The following LRP1 variants were observed in gnomAD, a reference collection of about 807,000 sequenced individuals.
LRP1 encodes the protein LDL receptor related protein 1, also known as prolow-density lipoprotein receptor-related protein 1.
In LRP1, 51 loss-of-function variants were observed where a neutral mutation model predicts 541.5. That is an observed-to-expected ratio of 0.09 (90% CI 0.08 to 0.12). The LOEUF is 0.12. Among genes scored for constraint, LRP1 ranks in the 10% least tolerant of loss-of-function variants. LRP1 has a pLI of 1.00. For missense variants in LRP1, 3,878 were observed against 6,376.2 expected (o/e 0.61, Z 13.34); for synonymous variants, 2,219 against 2,470.8 (o/e 0.90, Z 3.02).
rs1475883436 is a variant in LRP1 at position 57,210,854 on chromosome 12, C to T, written c.12891C>T (p.Gly4297=). Residue 4297 remains glycine (G), a synonymous_variant, in exon 83 of 89, where the codon GGC becomes GGT. Coordinates refer to ENST00000243077, the MANE Select transcript of LRP1 (RefSeq NM_002332.3). ...GNQPQCRCLP[G]FLGDRCQYRQ... ...AGCCCCAGTGCCGATGCCTACCCGG[C>T]TTCCTGGGCGACCGCTGCCAGTACC... The T allele has an allele frequency of 1.2e-6, 2 of 1,612,618 alleles. No homozygotes were observed. The highest frequency in any genetic ancestry group is 1.7e-6 in the Non-Finnish European group (2 of 1,179,470).
intron 44 of LRP1, among the ~76,000 whole-genome samples, chr12:57,191,908 AC>A (rs1284455903): frequency 7.2e-4 from 12 of 16,730 alleles, no homozygotes; most frequent in Admixed American, 1.2e-3. Flanking sequence ...ACATACACAC[AC>A]CACCACACAC....
chr12:57,135,244 A>C (rs945153100), intron 1 of LRP1, among the ~76,000 whole-genome samples: 1 of 152,184 alleles, frequency 6.6e-6, no homozygotes, highest in East Asian at 1.9e-4. Flanking sequence ...GGGTTCTCTC[A>C]TGCGGGCCAG....
rs201043786 is a variant in LRP1 at position 57,190,822 on chromosome 12, A to G, written c.7049A>G (p.Asn2350Ser). 6.2e-7 allele frequency: 1 copy of G among 1,613,612 alleles called. No individual in the cohort carries two copies. Among genetic ancestry groups the G allele is most frequent in the East Asian group, 2.2e-5 (1 of 44,874 alleles). Reference sequence around the variant, plus strand: ...TCCCCCAGCCTCATGTTCTGGACCAACTGGAATGAGCAGCATCCCAGCATC... The same window carrying G: ...TCCCCCAGCCTCATGTTCTGGACCAGCTGGAATGAGCAGCATCCCAGCATC... Reference protein sequence around the residue: ...DECQNLMFWTNWNEQHPSIMR... With the variant: ...DECQNLMFWTSWNEQHPSIMR... The change falls in exon 43 of 89, where the codon AAC becomes AGC. Residue 2350 changes from asparagine to serine, a missense_variant. This residue lies in a region of LRP1 where 1,100 missense variants were observed against 1,827.4 expected (regional missense o/e 0.60). Transcript: ENST00000243077.
chr12:57,211,937 C>T lies in LRP1; in HGVS notation c.13269C>T (p.Ser4423=), dbSNP rs1180750049. The change falls in exon 87 of 89, where the codon TCC becomes TCT. Residue 4423 remains serine, a synonymous_variant. Transcript: ENST00000243077. The surrounding 1 kb of genome is among the most constrained non-coding windows in gnomAD (Gnocchi z 4.3). ...FSQQQPGHIA[S]ILIPLLLLLL... is the part of the protein sequence containing the mutation. ...ACCTCTTCCCTCCAGATATAGCCTC[C>T]ATCCTAATCCCTCTGCTGTTGCTGC... 1 of 1,614,058 alleles carries T rather than the reference C, an allele frequency of 6.2e-7. No homozygotes were observed. Among genetic ancestry groups the T allele is most frequent in the Non-Finnish European group, 8.5e-7 (1 of 1,180,036 alleles).
In LRP1 at chr12:57,183,714, T is replaced by A. The variant is rs1036942707; in HGVS notation, c.5795-61T>A. On this transcript the variant is annotated intron_variant, in intron 35 of 88. Coordinates refer to ENST00000243077, the MANE Select transcript of LRP1 (RefSeq NM_002332.3). This position sits in a 1 kb window ranked among gnomAD's most constrained non-coding sequence, Gnocchi z 6.1. ...CCTCTGTCTTGAGCCTTGTGAGATT[T>A]TGACCCCTCACCTTACCCCTGCCTT... 16 of 1,603,574 alleles carry A rather than the reference T, an allele frequency of 1.0e-5. No homozygotes were observed. In the African/African-American group the frequency reaches 2.1e-4, roughly 21 times the overall value.
chr12:57,146,295 G>A (rs2035405375), intron 6 of LRP1, among the ~76,000 whole-genome samples: 2 of 152,174 alleles, frequency 1.3e-5, no homozygotes, highest in Non-Finnish European at 2.9e-5. Context: ...TCTGGCCTGT[G>A]GTTGATCTGA....
intron 62 of LRP1, 136 bp from the exon 63 acceptor site, chr12:57,200,306 C>T (rs1180729896): frequency 2.9e-6 from 2 of 686,306 alleles, no homozygotes; most frequent in Non-Finnish European, 5.3e-6. Context: ...CCTTTCCGAA[C>T]TCACCATAGC....
At position 57,211,718 on chromosome 12, in the gene LRP1, T is replaced by C. The variant is rs373115899; in HGVS notation, c.13194-32T>C. On this transcript the variant is annotated intron_variant, in intron 85 of 88. Transcript: ENST00000243077. The surrounding 1 kb of genome is among the most constrained non-coding windows in gnomAD (Gnocchi z 4.3). ...CTGGCAGCAGTGGCTATGGAGGTTA[T>C]ACCTACTCAGCCGTGTCCCTCCTTT... 40 of 1,606,000 alleles carry C rather than the reference T, an allele frequency of 2.5e-5. No homozygotes were observed. The African/African-American group carries it at 4.7e-4, about 19-fold the overall frequency.
chr12:57,191,346 C>A lies in LRP1; in HGVS notation c.7263C>A (p.His2421Gln). The change falls in exon 44 of 89, where the codon CAC (histidine) becomes CAA (glutamine). Residue 2421 changes from histidine (H) to glutamine (Q), a missense_variant. Around this residue, in one of 13 missense-constraint regions of LRP1, gnomAD observed 1,100 missense variants for 1,827.4 expected, o/e 0.60. Coordinates refer to ENST00000243077, the MANE Select transcript of LRP1 (RefSeq NM_002332.3). ...RYVILKSEPV[H>Q]PFGLAVYGEH... is the part of the protein sequence containing the mutation. ...TGATCCTAAAGTCAGAGCCTGTCCA[C>A]CCCTTCGGGCTGGCCGTGTATGGGG... 2 of 1,609,438 alleles carry A rather than the reference C, an allele frequency of 1.2e-6. No individual in the cohort carries two copies. Among genetic ancestry groups the A allele is most frequent in the Non-Finnish European group, 1.7e-6 (2 of 1,176,452 alleles).
rs2035342996 is a variant in LRP1, at chr12:57,143,734, C to A, written c.384C>A (p.Leu128=). 1 of 1,614,200 alleles carries A rather than the reference C, an allele frequency of 6.2e-7. No homozygotes were observed. The highest frequency in any genetic ancestry group is 1.3e-5 in the African/African-American group (1 of 75,072). Residue 128 remains leucine, a synonymous_variant, in exon 4 of 89, where the codon CTC becomes CTA. Transcript: ENST00000243077. ...GCCAGCACCATTGTGTCCCCACACT[C>A]GATGGGCCCACCTGCTACTGCAACA... ...LGCQHHCVPT[L]DGPTCYCNSS...
At chr12:57,167,865 A>G (rs1370827913) in intron 19 of LRP1, among the ~76,000 whole-genome samples, 1 of 152,166 alleles carries the variant, frequency 6.6e-6, no homozygotes, top group Non-Finnish European at 1.5e-5. Flanking sequence ...CTCCTTGCAA[A>G]CCCCCATTTC....
In LRP1 at chr12:57,176,104, G is replaced by A; in HGVS notation, c.3989G>A (p.Gly1330Glu). 1 of 1,613,810 alleles carries A rather than the reference G, an allele frequency of 6.2e-7. No individual in the cohort carries two copies. The highest frequency in any genetic ancestry group is 1.1e-5 in the South Asian group (1 of 91,078). Reference sequence around the variant, plus strand: ...TACCGCGGGAAGCTGCTGGACAACGGAGGTGACCACCGATTGCTGCCAGGC... The same window carrying A: ...TACCGCGGGAAGCTGCTGGACAACGAAGGTGACCACCGATTGCTGCCAGGC... ...KIYRGKLLDN[G>E]ALTSFEVVIQ... The change falls in exon 24 of 89, where the codon GGA becomes GAA. Residue 1330 changes from glycine (G) to glutamate (E), a missense_variant and splice_region_variant. By Grantham distance (98) the Gly-to-Glu change is moderately conservative. This residue lies in a region of LRP1 where 320 missense variants were observed against 547.9 expected (regional missense o/e 0.58). Transcript: ENST00000243077.
In LRP1 at chr12:57,198,514, G is replaced by A. The variant is rs148384329; in HGVS notation, c.9520G>A (p.Gly3174Ser). 1.5e-5 allele frequency: 25 copies of A among 1,613,956 alleles called. No homozygotes were observed. Among genetic ancestry groups the A allele is most frequent in the African/African-American group, 1.1e-4 (8 of 74,936 alleles). ...WGDHSLIGRI[G>S]MDGSSRSVIV... ...TGACCATTCACTGATCGGCCGCATC[G>A]GCATGGATGGGTCCAGCCGCAGCGT... The change falls in exon 60 of 89, where the codon GGC (glycine) becomes AGC (serine). Residue 3174 changes from glycine to serine, a missense_variant. By Grantham distance (56) the Gly-to-Ser change is moderately conservative. Coordinates refer to ENST00000243077, the MANE Select transcript of LRP1 (RefSeq NM_002332.3).
chr12:57,162,822 C>G lies in LRP1; in HGVS notation c.2405-36C>G, dbSNP rs566524268. The G allele has an allele frequency of 6.3e-7, 1 of 1,581,320 alleles. No individual in the cohort carries two copies. The highest frequency in any genetic ancestry group is 1.8e-5 in the Admixed American group (1 of 55,222). The stretch of plus-strand genomic sequence containing the variant: ...CTTCTCTGACCTCTCCTCACCTCTT[C>G]CTCCCTTTGCCTTTCCCCATGGCCC... On this transcript the variant is annotated intron_variant, in intron 14 of 88. Transcript: ENST00000243077. This position sits in a 1 kb window ranked among gnomAD's most constrained non-coding sequence, Gnocchi z 5.2.
chr12:57,141,241 G>A, intron 2 of LRP1, 133 bp from the exon 3 acceptor site: 1 of 935,188 alleles, frequency 1.1e-6, no homozygotes, highest in Non-Finnish European at 1.6e-6. Flanking sequence ...GTTCCAGGTG[G>A]AAGAGTCTAA....
chr12:57,202,542 G>GGGGGGGGGCCCCCCCC lies in LRP1; in HGVS notation c.10711+5_10711+6insGGGGGGGGCCCCCCCC. ...ACTCCGATGAAGAGAGCTGCAGTAC[G>GGGGGGGGGCCCCCCCC]TCCCCACCCACCCAGCCCCGCATGA... On this transcript the variant is annotated splice_donor_region_variant and intron_variant, in intron 68 of 88. Coordinates refer to ENST00000243077, the MANE Select transcript of LRP1 (RefSeq NM_002332.3). 1.3e-6 allele frequency: 2 copies of GGGGGGGGGCCCCCCCC among 1,563,846 alleles called. No homozygotes were observed. The highest frequency in any genetic ancestry group is 2.4e-5 in the East Asian group (1 of 42,384).
At chr12:57,135,154 A>G (rs548366892) in intron 1 of LRP1, among the ~76,000 whole-genome samples, 43 of 152,324 alleles carry the variant, frequency 2.8e-4, no homozygotes, top group Admixed American at 5.9e-4. Flanking sequence ...TAAGTGAGTT[A>G]ATAGTCACCG....
chr12:57,171,615 G>C (rs976009794), intron 20 of LRP1, among the ~76,000 whole-genome samples: 1 of 152,134 alleles, frequency 6.6e-6, no homozygotes, highest in Admixed American at 6.5e-5. Flanking sequence ...CTGTGATGTA[G>C]GAGGTGATTT....
Position 57,179,080 on chromosome 12 carries a change from C to A in LRP1, c.4738+59C>A. On this transcript the variant is annotated intron_variant, in intron 28 of 88. Coordinates refer to ENST00000243077, the MANE Select transcript of LRP1 (RefSeq NM_002332.3). The surrounding 1 kb of genome is among the most constrained non-coding windows in gnomAD (Gnocchi z 6.8). ...CTGAGGCTGGAGGGAAGGCCGCAGG[C>A]CCCAGGATCCCGGTTGTCAGCTAAG... 6.4e-7 allele frequency: 1 copy of A among 1,572,734 alleles called. No individual in the cohort carries two copies. Among genetic ancestry groups the A allele is most frequent in the African/African-American group, 1.4e-5 (1 of 73,316 alleles).
Sources: gnomAD v4.1 joint callset for allele counts (sites outside exome capture counted in the v4.1 genomes callset) on GRCh38, gnomAD v4.1.1 for gene constraint, gnomAD v4.1.1 regional missense constraint, Gnocchi (gnomAD v3.1) non-coding constraint, MANE v1.5 for transcripts, NCBI Gene and HGNC (gene_info 2026-07-23, HGNC 2026-07-21) for gene names.